Variants in AKAP6 observed in about 807,000 individuals in gnomAD.
The protein encoded by AKAP6 is A-kinase anchoring protein 6, also known as A-kinase anchor protein 6.
A neutral mutation model predicts 188.5 loss-of-function variants in AKAP6; 58 were observed. The observed-to-expected ratio is 0.31, with a 90% CI of 0.25 to 0.38. The LOEUF (loss-of-function observed/expected upper bound fraction) is 0.38, where lower values mean the gene tolerates loss of function less well. Among genes scored for constraint, AKAP6 ranks in the 10% least tolerant of loss-of-function variants. AKAP6 has a pLI of 1.00. For synonymous variants in AKAP6, 989 were observed against 998.6 expected (o/e 0.99, Z 0.18); for missense variants, 2,710 against 2,740.0 (o/e 0.99, Z 0.24).
chr14:32,366,018 C>G (rs918907780), intron 1 of AKAP6, among the ~76,000 whole-genome samples: 6 of 152,106 alleles, frequency 3.9e-5, no homozygotes, highest in Non-Finnish European at 8.8e-5. Context: ...TAGTCCTGCC[C>G]CTTAGGAGGT....
At chr14:32,545,128 A>G in intron 3 of AKAP6, 102 bp from the exon 4 acceptor site, 1 of 1,111,106 alleles carries the variant, frequency 9.0e-7, no homozygotes, top group Admixed American at 2.1e-5. Flanking sequence ...GGACCAATAC[A>G]TTTGACCTTT....
intron 1 of AKAP6, among the ~76,000 whole-genome samples, chr14:32,415,987 A>G (rs960525000): frequency 6.6e-6 from 1 of 152,160 alleles, no homozygotes; most frequent in Admixed American, 6.5e-5. Flanking sequence ...GCTATTGTGA[A>G]TAATGCTGCT....
chr14:32,456,753 AC>A (rs1167119708), intron 2 of AKAP6, among the ~76,000 whole-genome samples: 1 of 152,008 alleles, frequency 6.6e-6, no homozygotes, highest in African/African-American at 2.4e-5. Flanking sequence ...TTGTCCAAGG[AC>A]CCCAAATATA....
intron 1 of AKAP6, among the ~76,000 whole-genome samples, chr14:32,421,478 T>A (rs1889850003): frequency 6.6e-6 from 1 of 152,178 alleles, no homozygotes; most frequent in Non-Finnish European, 1.5e-5. Context: ...GTCCTTTTTT[T>A]GTTCCGCAAA....
At chr14:32,473,196 AT>A (rs1174042922) in intron 2 of AKAP6, among the ~76,000 whole-genome samples, 1 of 152,176 alleles carries the variant, frequency 6.6e-6, no homozygotes, top group East Asian at 1.9e-4. Context: ...ATTTAGAGTT[AT>A]TTTTTACTTT....
chr14:32,451,903 C>T (rs1175679047), intron 2 of AKAP6, among the ~76,000 whole-genome samples: 1 of 151,878 alleles, frequency 6.6e-6, no homozygotes, highest in African/African-American at 2.4e-5. Flanking sequence ...CTTAACCCTA[C>T]TTCCTCCACC....
intron 7 of AKAP6, among the ~76,000 whole-genome samples, chr14:32,609,468 G>A (rs59534984): frequency 0.046 from 6,981 of 152,126 alleles, 507 homozygotes; most frequent in African/African-American, 0.15. Flanking sequence ...TGGAGGTCCC[G>A]CCGGGCAGAG....
chr14:32,352,792 T>G (rs1269905044), intron 1 of AKAP6, among the ~76,000 whole-genome samples: 1 of 152,258 alleles, frequency 6.6e-6, no homozygotes, highest in Non-Finnish European at 1.5e-5. Flanking sequence ...ACATTCATTA[T>G]TCATCCATTG....
At chr14:32,446,104 A>T (rs1215981295) in intron 2 of AKAP6, among the ~76,000 whole-genome samples, 1 of 152,200 alleles carries the variant, frequency 6.6e-6, no homozygotes, top group Non-Finnish European at 1.5e-5. Context: ...ACTTGATGTC[A>T]TTACCATAAG....
intron 9 of AKAP6, among the ~76,000 whole-genome samples, chr14:32,725,383 G>A (rs946716306): frequency 6.6e-6 from 1 of 152,232 alleles, no homozygotes; most frequent in African/African-American, 2.4e-5. Flanking sequence ...CCTTGGGCAC[G>A]TCAAAGCTTC....
intron 1 of AKAP6, among the ~76,000 whole-genome samples, chr14:32,346,993 A>G (rs12897283): frequency 0.16 from 23,688 of 152,270 alleles, 2,053 homozygotes; most frequent in East Asian, 0.37. Flanking sequence ...TTAGACTAGC[A>G]TTAATTTGCA....
intron 2 of AKAP6, among the ~76,000 whole-genome samples, chr14:32,526,713 A>G (rs1365312536): frequency 3.9e-5 from 6 of 152,242 alleles, no homozygotes; most frequent in Non-Finnish European, 7.3e-5. Context: ...ACAAAAGAAG[A>G]AACTAGGCTT....
At chr14:32,461,266 C>T (rs753418177) in intron 2 of AKAP6, among the ~76,000 whole-genome samples, 17 of 152,170 alleles carry the variant, frequency 1.1e-4, no homozygotes, top group Admixed American at 6.5e-4. Context: ...CCCTGACCCC[C>T]GTGCCTCCTG....
In AKAP6 at chr14:32,823,610, T is replaced by A. The variant is rs960493071; in HGVS notation, c.5797T>A (p.Cys1933Ser). The change falls in exon 13 of 14, where the codon TGT (cysteine) becomes AGT (serine). Residue 1933 changes from cysteine (C) to serine (S), a missense_variant. Cys to Ser is a moderately radical substitution (Grantham distance 112). Transcript: ENST00000280979. ...HGKEISESEH[C>S]KCKALMDSLD... ...GAAAGAGATTTCAGAGAGTGAGCAT[T>A]GTAAGTGTAAAGCACTTATGGATAG... is the stretch of plus-strand genomic sequence containing the variant. The A allele has an allele frequency of 2.5e-6, 4 of 1,613,862 alleles. No individual in the cohort carries two copies. The East Asian group carries it at 8.9e-5, about 36-fold the overall frequency.
intron 1 of AKAP6, among the ~76,000 whole-genome samples, chr14:32,393,016 T>C (rs1269677822): frequency 1.3e-5 from 2 of 152,088 alleles, no homozygotes; most frequent in Non-Finnish European, 2.9e-5. Context: ...TATTAAATAC[T>C]ATAATAATAA....
At chr14:32,716,111 G>T (rs1185295253) in intron 9 of AKAP6, among the ~76,000 whole-genome samples, 1 of 151,872 alleles carries the variant, frequency 6.6e-6, no homozygotes, top group Non-Finnish European at 1.5e-5. Context: ...TTAAATATGG[G>T]CAGTCTGATT....
At chr14:32,755,195 A>AT (rs1361132281) in intron 11 of AKAP6, among the ~76,000 whole-genome samples, 1 of 151,016 alleles carries the variant, frequency 6.6e-6, no homozygotes, top group African/African-American at 2.4e-5. Context: ...CATTTTCATT[A>AT]TTTTTTTCTT....
At chr14:32,483,011 A>ATGTGTGTGTGTG (rs145844305) in intron 2 of AKAP6, among the ~76,000 whole-genome samples, 1 of 148,276 alleles carries the variant, frequency 6.7e-6, no homozygotes, top group Non-Finnish European at 1.5e-5. Context: ...ATATATATAT[A>ATGTGTGTGTGTG]TGTATCTTGC....
chr14:32,485,183 G>A (rs546745474), intron 2 of AKAP6, among the ~76,000 whole-genome samples: 19 of 135,394 alleles, frequency 1.4e-4, no homozygotes, highest in Non-Finnish European at 2.6e-4. Flanking sequence ...TGATGTATAT[G>A]TGCCACATAT....
Sources: allele counts gnomAD v4.1 joint callset (sites outside exome capture counted in the v4.1 genomes callset), GRCh38; gene constraint gnomAD v4.1.1; transcripts MANE v1.5; gene names NCBI Gene and HGNC (gene_info 2026-07-23, HGNC 2026-07-21).